BACH2: variants seen among roughly 807,000 people sequenced by gnomAD.
The protein encoded by BACH2 is transcription regulator protein BACH2.
Under a neutral mutation model 61.8 loss-of-function variants are expected in BACH2, and 5 were observed. The observed-to-expected ratio is 0.08, with a 90% confidence interval of 0.04 to 0.17. The LOEUF (loss-of-function observed/expected upper bound fraction) is 0.17. Among genes scored for constraint, BACH2 ranks in the 10% least tolerant of loss-of-function variants. The pLI is 1.00. For missense variants in BACH2, 824 were observed against 1,091.1 expected, an observed-to-expected ratio of 0.76 and a Z score of 3.45; for synonymous variants, 446 against 440.1, an observed-to-expected ratio of 1.01 and a Z score of -0.17.
rs970571001 is a variant in BACH2, at chr6:90,018,405, C to T, written c.-12-9549G>A. On this transcript the variant is annotated intron_variant, in intron 5 of 8. Transcript: ENST00000257749. ...TCCTTCCTGTGCCATGGCCTAGAAA[C>T]TCTCAAAGCAGTATGCTGAGTTCAG... Among the ~76,000 whole-genome samples, 4 of 152,342 alleles carry T rather than the reference C, an allele frequency of 2.6e-5. No homozygotes were observed. In the East Asian group the frequency reaches 7.7e-4, roughly 29 times the overall value.
At chr6:89,943,137 A>C (rs1424582876) in intron 7 of BACH2, among the ~76,000 whole-genome samples, 1 of 152,168 alleles carries the variant, frequency 6.6e-6, no homozygotes, top group Non-Finnish European at 1.5e-5. Context: ...AGCAGTCAGT[A>C]AAATGGATAG....
At chr6:90,077,618 C>T (rs1187463603) in intron 5 of BACH2, among the ~76,000 whole-genome samples, 1 of 152,098 alleles carries the variant, frequency 6.6e-6, no homozygotes, top group South Asian at 2.1e-4. Context: ...GATGGTAGGA[C>T]AGACTAAGAA....
intron 7 of BACH2, among the ~76,000 whole-genome samples, chr6:89,941,690 G>A (rs577427525): frequency 8.5e-5 from 13 of 152,338 alleles, no homozygotes; most frequent in African/African-American, 3.1e-4. Flanking sequence ...TGGAGATGTG[G>A]ATGTTCCAAC....
At chr6:90,037,391 C>T (rs948799753) in intron 5 of BACH2, among the ~76,000 whole-genome samples, 5 of 152,220 alleles carry the variant, frequency 3.3e-5, no homozygotes, top group African/African-American at 1.2e-4. Context: ...CCGAGTTTTA[C>T]ACAACTATAA....
intron 3 of BACH2, among the ~76,000 whole-genome samples, chr6:90,215,085 A>G (rs767122086): frequency 7.9e-5 from 12 of 152,032 alleles, no homozygotes; most frequent in Non-Finnish European, 1.3e-4. Flanking sequence ...GCATCTCCTT[A>G]GTGCAGCTTA....
intron 4 of BACH2, among the ~76,000 whole-genome samples, chr6:90,095,591 C>A (rs1377805450): frequency 2.2e-4 from 34 of 152,124 alleles, no homozygotes; most frequent in Admixed American, 2.2e-3. Flanking sequence ...TCACTTCTAT[C>A]ATAAAAGGAT....
At chr6:90,156,797 G>A (rs1785009254) in intron 4 of BACH2, among the ~76,000 whole-genome samples, 1 of 152,126 alleles carries the variant, frequency 6.6e-6, no homozygotes, top group Non-Finnish European at 1.5e-5. Context: ...AGTAACTCTT[G>A]CATAAAAATG....
intron 7 of BACH2, among the ~76,000 whole-genome samples, chr6:89,947,847 A>G (rs891983645): frequency 6.6e-6 from 1 of 152,132 alleles, no homozygotes; most frequent in Non-Finnish European, 1.5e-5. Context: ...CTGGCATTAC[A>G]GGTGTGAGCC....
intron 3 of BACH2, among the ~76,000 whole-genome samples, chr6:90,219,577 A>T (rs977882959): frequency 6.6e-6 from 1 of 152,230 alleles, no homozygotes; most frequent in African/African-American, 2.4e-5. Context: ...CAGAGCCATT[A>T]AGAATGCACA....
intron 4 of BACH2, among the ~76,000 whole-genome samples, chr6:90,109,161 G>A (rs1468503700): frequency 6.6e-6 from 1 of 152,084 alleles, no homozygotes; most frequent in Non-Finnish European, 1.5e-5. Context: ...TTAACCTGTT[G>A]TAGATTTTTT....
intron 5 of BACH2, among the ~76,000 whole-genome samples, chr6:90,027,455 G>A (rs1345220090): frequency 6.6e-6 from 1 of 152,060 alleles, no homozygotes; most frequent in Non-Finnish European, 1.5e-5. Flanking sequence ...TTCAGATAAA[G>A]CCAAGTATAT....
At chr6:90,220,030 A>C (rs568227630) in intron 3 of BACH2, among the ~76,000 whole-genome samples, 1 of 152,276 alleles carries the variant, frequency 6.6e-6, no homozygotes, top group Non-Finnish European at 1.5e-5. Context: ...AAGAACATGC[A>C]GCCGCTTGTA....
At chr6:89,978,064 C>T (rs1158588785) in intron 6 of BACH2, among the ~76,000 whole-genome samples, 2 of 151,884 alleles carry the variant, frequency 1.3e-5, no homozygotes, top group South Asian at 2.1e-4. Context: ...GAGTGGAATG[C>T]TAAATGAGAA....
intron 4 of BACH2, among the ~76,000 whole-genome samples, chr6:90,164,332 C>T (rs981857359): frequency 5.9e-5 from 9 of 152,108 alleles, no homozygotes; most frequent in African/African-American, 1.4e-4. Context: ...ATAAATTCCT[C>T]GACACAGACA....
At chr6:90,053,652 A>G (rs1017142616) in intron 5 of BACH2, among the ~76,000 whole-genome samples, 3 of 152,224 alleles carry the variant, frequency 2.0e-5, no homozygotes, top group Admixed American at 6.5e-5. Flanking sequence ...GTACGTCTGA[A>G]GAAAATACTT....
chr6:90,121,029 T>G (rs2127819722), intron 4 of BACH2, among the ~76,000 whole-genome samples: 1 of 152,268 alleles, frequency 6.6e-6, no homozygotes, highest in African/African-American at 2.4e-5. Context: ...ATTGGGGAAA[T>G]AATAAAAATT....
intron 3 of BACH2, among the ~76,000 whole-genome samples, chr6:90,223,119 T>G (rs1769795362): frequency 6.6e-6 from 1 of 152,174 alleles, no homozygotes; most frequent in Non-Finnish European, 1.5e-5. Flanking sequence ...GACGCACCCT[T>G]CTATAGAAGC....
At chr6:90,186,384 C>T (rs1768356160) in intron 4 of BACH2, among the ~76,000 whole-genome samples, 1 of 152,164 alleles carries the variant, frequency 6.6e-6, no homozygotes, top group South Asian at 2.1e-4. Flanking sequence ...TTCTTATATT[C>T]CCTAAAATAT....
At chr6:90,055,403 CAAG>C (rs1165208113) in intron 5 of BACH2, among the ~76,000 whole-genome samples, 2 of 151,948 alleles carry the variant, frequency 1.3e-5, no homozygotes, top group African/African-American at 4.8e-5. Context: ...TGAAATGAAG[CAAG>C]AAGAGAAGTT....
Sources: gnomAD v4.1 joint callset for allele counts (sites outside exome capture counted in the v4.1 genomes callset) on GRCh38, gnomAD v4.1.1 for gene constraint, MANE v1.5 for transcripts, NCBI Gene and HGNC (gene_info 2026-07-23, HGNC 2026-07-21) for gene names.